The following C6orf132 variants were observed in gnomAD, a reference collection of about 807,000 sequenced individuals.
C6orf132 encodes chromosome 6 open reading frame 132.
C6orf132 carries 43 observed loss-of-function variants against 65.3 expected under a neutral mutation model. The observed-to-expected ratio is 0.66, with a 90% confidence interval of 0.52 to 0.85. C6orf132 has a LOEUF of 0.85. Ranked by LOEUF, C6orf132 falls within the 40% of genes least tolerant of loss-of-function variation. The pLI is 0.00. For missense variants in C6orf132, 1,488 were observed against 1,548.8 expected, an observed-to-expected ratio of 0.96 and a Z score of 0.66; for synonymous variants, 631 against 654.1, an observed-to-expected ratio of 0.96 and a Z score of 0.54.
intron 2 of C6orf132, among the ~76,000 whole-genome samples, chr6:42,125,453 C>A (rs1766749183): frequency 6.6e-6 from 1 of 152,210 alleles, no homozygotes; most frequent in South Asian, 2.1e-4. Flanking sequence ...GCCACGATCA[C>A]AGGCCGTGCC....
Position 42,104,335 on chromosome 6 carries a change from G to C in C6orf132, c.3449+128C>G, listed in dbSNP as rs116225371. The stretch of plus-strand genomic sequence containing the variant: ...CTCCCGGTAAGTGGGCCTCCCTCCC[G>C]CGTTCTACCTGCAAGGCCGAAGGGA... On this transcript the variant is annotated intron_variant, in intron 4 of 4. Coordinates refer to ENST00000341865, the MANE Select transcript of C6orf132 (RefSeq NM_001164446.3). The surrounding 1 kb of genome is among the most constrained non-coding windows in gnomAD (Gnocchi z 4.1). 3,994 of 1,220,238 alleles carry C rather than the reference G, an allele frequency of 3.3e-3. 112 individuals are homozygous for C. In the African/African-American group the frequency reaches 0.056, roughly 17 times the overall value. 75.6% of individuals were successfully genotyped at this position (1,220,238 alleles called of 1,614,324 possible).
At position 42,105,261 on chromosome 6, in the gene C6orf132, T is replaced by G. The variant is rs1371775709; in HGVS notation, c.2651A>C (p.His884Pro). Residue 884 changes from histidine (H) to proline (P), a missense_variant, in exon 4 of 5, where the codon CAC becomes CCC. His to Pro is a moderately conservative substitution (Grantham distance 77). Coordinates refer to ENST00000341865, the MANE Select transcript of C6orf132 (RefSeq NM_001164446.3). The part of the protein sequence containing the change: ...QAEASSDSIF[H>P]SQGTPNSFTV... ...GAAGGAGTTGGGCGTGCCCTGGCTGTGGAAGATGCTGTCAGAGCTGGCCTC... is the reference window on the plus strand; with the variant it reads ...GAAGGAGTTGGGCGTGCCCTGGCTGGGGAAGATGCTGTCAGAGCTGGCCTC... The G allele has an allele frequency of 7.2e-6, 11 of 1,537,052 alleles. No individual in the cohort carries two copies. The highest frequency in any genetic ancestry group is 9.6e-6 in the Non-Finnish European group (11 of 1,146,896).
intron 2 of C6orf132, among the ~76,000 whole-genome samples, chr6:42,116,411 C>T (rs1766571572): frequency 1.3e-5 from 2 of 152,138 alleles, no homozygotes; most frequent in South Asian, 4.1e-4. Flanking sequence ...GCAAACCCAG[C>T]TGGTCATCCA....
chr6:42,120,434 G>A (rs1766663410), intron 2 of C6orf132, among the ~76,000 whole-genome samples: 1 of 152,014 alleles, frequency 6.6e-6, no homozygotes, highest in East Asian at 2.0e-4. Flanking sequence ...TTTTAGTAGA[G>A]ACGGGGTTTC....
At chr6:42,110,145 G>T in intron 3 of C6orf132, 71 bp downstream of exon 3, 1 of 1,261,626 alleles carries the variant, frequency 7.9e-7, no homozygotes, top group Non-Finnish European at 1.1e-6. Flanking sequence ...ATGAGCAGAT[G>T]CTTAGCTTTT....
At chr6:42,130,867 C>T (rs1004617876) in intron 1 of C6orf132, among the ~76,000 whole-genome samples, 21 of 150,906 alleles carry the variant, frequency 1.4e-4, no homozygotes, top group Non-Finnish European at 4.4e-5. Context: ...AGCCTTGTCT[C>T]GCCTCTTTAT....
chr6:42,103,878 C>T lies in C6orf132; in HGVS notation c.3450G>A (p.Arg1150=). 4.9e-6 allele frequency: 7 copies of T among 1,440,358 alleles called. No homozygotes were observed. The highest frequency in any genetic ancestry group is 5.5e-6 in the Non-Finnish European group (6 of 1,098,298). 89.2% of individuals were successfully genotyped at this position (1,440,358 alleles called of 1,614,324 possible). A position where few individuals can be genotyped will look rare whatever the true frequency, so the allele number is the denominator to read the frequency against. ...ADYGFAPAAG[R]SPYTTTRYGS... ...CATAGCGGGTGGTGGTGTAGGGAGA[C>T]CTGGGGGAGAGCAAGAGATGTGAGG... The change falls in exon 5 of 5, where the codon AGG becomes AGA. Residue 1150 remains arginine, a splice_region_variant and synonymous_variant. Coordinates refer to ENST00000341865, the MANE Select transcript of C6orf132 (RefSeq NM_001164446.3).
chr6:42,134,727 T>C (rs1433052933), intron 1 of C6orf132, among the ~76,000 whole-genome samples: 2 of 144,962 alleles, frequency 1.4e-5, no homozygotes, highest in Non-Finnish European at 3.0e-5. Context: ...TGAGCCGAGA[T>C]TGAGCCATTG....
At chr6:42,128,127 C>T (rs755655679) in intron 2 of C6orf132, among the ~76,000 whole-genome samples, 54 of 151,666 alleles carry the variant, frequency 3.6e-4, no homozygotes, top group Non-Finnish European at 5.4e-4. Context: ...AGGGTTTCAC[C>T]GTGTTAGCCA....
intron 2 of C6orf132, chr6:42,126,846 G>T: frequency 6.2e-6 from 2 of 320,992 alleles, no homozygotes; most frequent in Non-Finnish European, 5.2e-6. Flanking sequence ...AACTCAGTCT[G>T]CAAAAAAAAA....
intron 4 of C6orf132, 72 bp from the exon 5 acceptor site, chr6:42,103,950 G>A (rs1766341116): frequency 9.6e-7 from 1 of 1,046,584 alleles, no homozygotes; most frequent in East Asian, 3.2e-5. Flanking sequence ...TCTCCCCGAG[G>A]GACCGAGAGG....
chr6:42,120,248 T>C (rs1766658985), intron 2 of C6orf132, among the ~76,000 whole-genome samples: 1 of 109,150 alleles, frequency 9.2e-6, no homozygotes, highest in Admixed American at 8.8e-5. Flanking sequence ...GCGAGGTTCT[T>C]TTTTTTTTTT....
intron 2 of C6orf132, among the ~76,000 whole-genome samples, chr6:42,118,258 G>C (rs1194894135): frequency 6.6e-6 from 1 of 152,154 alleles, no homozygotes; most frequent in Non-Finnish European, 1.5e-5. Flanking sequence ...GGGGCAGCAG[G>C]GTAGAGGCAG....
intron 1 of C6orf132, among the ~76,000 whole-genome samples, chr6:42,135,396 G>T (rs1391176678): frequency 1.3e-5 from 2 of 152,238 alleles, no homozygotes; most frequent in Non-Finnish European, 2.9e-5. Flanking sequence ...AGCCTGGGCT[G>T]GGGTACGTGT....
At chr6:42,134,963 T>C (rs1378275668) in intron 1 of C6orf132, among the ~76,000 whole-genome samples, 2 of 152,130 alleles carry the variant, frequency 1.3e-5, no homozygotes, top group South Asian at 2.1e-4. Context: ...ATTGCGCCAC[T>C]GCACTCCAGC....
At chr6:42,113,805 G>T (rs138561308) in intron 2 of C6orf132, among the ~76,000 whole-genome samples, 1,919 of 150,928 alleles carry the variant, frequency 0.013, 27 homozygotes, top group Non-Finnish European at 0.02. Flanking sequence ...GATAGAGCAA[G>T]ACTGTCTCAA....
At chr6:42,133,735 A>G (rs1318208192) in intron 1 of C6orf132, among the ~76,000 whole-genome samples, 2 of 148,588 alleles carry the variant, frequency 1.3e-5, no homozygotes, top group Admixed American at 1.4e-4. Flanking sequence ...TTTCCCCCCA[A>G]ATGGAATCCT....
In C6orf132 at chr6:42,117,458, C is replaced by T. The variant is rs945257046; in HGVS notation, c.253-7167G>A. On this transcript the variant is annotated intron_variant, in intron 2 of 4. Transcript: ENST00000341865. The stretch of plus-strand genomic sequence containing the variant: ...CTCTCATACTTTCCCTCTAACACAA[C>T]TCTATGTCTATAGACATAGAGTTGA... Among the ~76,000 whole-genome samples the T allele has an allele frequency of 1.6e-4, 25 of 152,128 alleles. 1 individual carries two copies. Among genetic ancestry groups the T allele is most frequent in the African/African-American group, 5.8e-4 (24 of 41,412 alleles).
rs1766341886 is a variant in C6orf132, at chr6:42,104,012, C to G, written c.3450-134G>C. 3.4e-6 allele frequency: 2 copies of G among 589,692 alleles called. No individual in the cohort carries two copies. Among genetic ancestry groups the G allele is most frequent in the Non-Finnish European group, 5.2e-6 (2 of 386,510 alleles). 36.5% of individuals were successfully genotyped at this position (589,692 alleles called of 1,614,324 possible). A position where few individuals can be genotyped will look rare whatever the true frequency, so the allele number is the denominator to read the frequency against. On this transcript the variant is annotated intron_variant, in intron 4 of 4. Transcript: ENST00000341865. This position sits in a 1 kb window ranked among gnomAD's most constrained non-coding sequence, Gnocchi z 4.1. ...TTGCCCCGACAAGCCCTGGGCTTAT[C>G]GACCCCAGGGAGGGACCGCAGACAT...
Sources: allele counts gnomAD v4.1 joint callset (sites outside exome capture counted in the v4.1 genomes callset), GRCh38; gene constraint gnomAD v4.1.1; non-coding constraint Gnocchi (gnomAD v3.1); transcripts MANE v1.5; gene names NCBI Gene and HGNC (gene_info 2026-07-23, HGNC 2026-07-21).